CNTNAP2: variants seen among roughly 807,000 people sequenced by gnomAD.
CNTNAP2 encodes the protein contactin-associated protein-like 2.
Under a neutral mutation model 155.2 loss-of-function variants are expected in CNTNAP2, and 98 were observed. The ratio of observed to expected loss-of-function variants is 0.63; its 90% CI spans 0.54 to 0.75. The LOEUF is 0.75. Among genes scored for constraint, CNTNAP2 ranks in the 30% least tolerant of loss-of-function variants. The pLI is 0.00. For synonymous variants in CNTNAP2, 651 were observed against 631.2 expected, an observed-to-expected ratio of 1.03 and a Z score of -0.47; for missense variants, 1,727 against 1,688.1, an observed-to-expected ratio of 1.02 and a Z score of -0.40.
At chr7:146,178,062 C>A (rs897671936) in intron 1 of CNTNAP2, among the ~76,000 whole-genome samples, 2 of 151,974 alleles carry the variant, frequency 1.3e-5, no homozygotes, top group Admixed American at 6.6e-5. Flanking sequence ...GAGACGGAGT[C>A]TCGTTCTGTC....
At chr7:147,235,875 G>T (rs145373631) in intron 8 of CNTNAP2, among the ~76,000 whole-genome samples, 2 of 152,134 alleles carry the variant, frequency 1.3e-5, no homozygotes, top group African/African-American at 4.8e-5. Context: ...GTGTGTAGAT[G>T]AATAACATAC....
rs1355723005 is a variant in CNTNAP2, at chr7:148,366,100, GTA to G, written c.3476-17547_3476-17546del. 8.2e-5 allele frequency among the ~76,000 whole-genome samples: 2 copies of G among 24,474 alleles called. 1 individual carries two copies. The highest frequency in any genetic ancestry group is 1.9e-4 in the African/African-American group (2 of 10,798). The allele number at this position is 24,474 out of a possible 152,430, so 16.1% of individuals were successfully genotyped here. On this transcript the variant is annotated intron_variant, in intron 21 of 23. Coordinates refer to ENST00000361727, the MANE Select transcript of CNTNAP2 (RefSeq NM_014141.6). ...TGTGTGTGCATGTATACATGTATGT[GTA>G]TGCATGTATGCATGTATGTGTATGC... is the stretch of plus-strand genomic sequence containing the variant.
intron 15 of CNTNAP2, among the ~76,000 whole-genome samples, chr7:148,112,694 T>C (rs1042502328): frequency 3.3e-5 from 5 of 152,074 alleles, no homozygotes; most frequent in African/African-American, 7.2e-5. Flanking sequence ...CATGCCAAGC[T>C]TGAATTTCAA....
At chr7:146,651,581 T>C (rs1320528645) in intron 1 of CNTNAP2, among the ~76,000 whole-genome samples, 1 of 152,164 alleles carries the variant, frequency 6.6e-6, no homozygotes, top group East Asian at 1.9e-4. Flanking sequence ...AAATTTCACA[T>C]TTTATGAAGT....
chr7:146,646,712 A>G (rs1349168968), intron 1 of CNTNAP2, among the ~76,000 whole-genome samples: 1 of 152,170 alleles, frequency 6.6e-6, no homozygotes, highest in Non-Finnish European at 1.5e-5. Flanking sequence ...CCTGGCCAGT[A>G]TCTAATTTTA....
At chr7:147,801,995 C>G (rs1236472618) in intron 13 of CNTNAP2, among the ~76,000 whole-genome samples, 2 of 151,000 alleles carry the variant, frequency 1.3e-5, no homozygotes, top group Non-Finnish European at 3.0e-5. Context: ...GGCTGCCGGG[C>G]GGAGACGCTC....
chr7:146,221,128 G>T (rs909959378), intron 1 of CNTNAP2, among the ~76,000 whole-genome samples: 3 of 152,118 alleles, frequency 2.0e-5, no homozygotes, highest in African/African-American at 7.2e-5. Flanking sequence ...GGACCCTGCA[G>T]GTCCTCTTCC....
chr7:148,194,980 A>T (rs1038642641), intron 18 of CNTNAP2, among the ~76,000 whole-genome samples: 3 of 152,168 alleles, frequency 2.0e-5, no homozygotes, highest in African/African-American at 7.2e-5. Context: ...ATTAACCATC[A>T]CAGAAGCCAT....
intron 11 of CNTNAP2, among the ~76,000 whole-genome samples, chr7:147,547,511 A>G (rs1215642500): frequency 6.6e-6 from 1 of 152,158 alleles, no homozygotes; most frequent in Admixed American, 6.5e-5. Context: ...CAGCTCATTC[A>G]GATAAGCTAC....
At chr7:147,079,391 T>G (rs370729428) in intron 4 of CNTNAP2, among the ~76,000 whole-genome samples, 24 of 152,102 alleles carry the variant, frequency 1.6e-4, no homozygotes, top group Middle Eastern at 6.8e-3. Context: ...GACATGCAGT[T>G]TGGGATGTTG....
intron 14 of CNTNAP2, among the ~76,000 whole-genome samples, chr7:147,907,557 A>G (rs1679875034): frequency 6.6e-6 from 1 of 152,108 alleles, no homozygotes; most frequent in Admixed American, 6.6e-5. Flanking sequence ...GGGGCAGTGA[A>G]GAGAAAGTTG....
intron 3 of CNTNAP2, among the ~76,000 whole-genome samples, chr7:146,907,182 C>A (rs1411374875): frequency 6.6e-6 from 1 of 152,004 alleles, no homozygotes; most frequent in African/African-American, 2.4e-5. Context: ...GATTGGTGTA[C>A]CTGAAAATGA....
At chr7:146,806,958 T>C (rs766951200) in intron 2 of CNTNAP2, among the ~76,000 whole-genome samples, 2 of 152,194 alleles carry the variant, frequency 1.3e-5, no homozygotes, top group South Asian at 4.1e-4. Context: ...ATTTGGATAA[T>C]ATTTTTAAAA....
chr7:147,288,476 T>C (rs916820025), intron 8 of CNTNAP2, among the ~76,000 whole-genome samples: 3 of 152,154 alleles, frequency 2.0e-5, no homozygotes, highest in African/African-American at 7.2e-5. Context: ...ATTTACACGT[T>C]CCTCTCTTTA....
chr7:147,108,257 A>T lies in CNTNAP2; in HGVS notation c.661A>T (p.Ser221Cys). The T allele has an allele frequency of 6.2e-7, 1 of 1,613,852 alleles. No homozygotes were observed. Among genetic ancestry groups the T allele is most frequent in the Non-Finnish European group, 8.5e-7 (1 of 1,179,832 alleles). ...VIALNFKTSE[S>C]EGVILHGEGQ... ...TGCCTTGAACTTTAAGACGTCTGAA[A>T]GTGAAGGAGTAATCCTGCACGGAGA... Residue 221 changes from serine to cysteine, a missense_variant, in exon 5 of 24, where the codon AGT becomes TGT. Coordinates refer to ENST00000361727, the MANE Select transcript of CNTNAP2 (RefSeq NM_014141.6).
rs73742621 is a variant in CNTNAP2 at position 146,923,200 on chromosome 7, G to A, written c.402+83296G>A. On this transcript the variant is annotated intron_variant, in intron 3 of 23. Coordinates refer to ENST00000361727, the MANE Select transcript of CNTNAP2 (RefSeq NM_014141.6). ...GGTGGTTGTTGAGAATTAAAAGAGA[G>A]GATGTTTAGCATAGTGTCTGGTACA... Among the ~76,000 whole-genome samples the A allele has an allele frequency of 7.6e-3, 1,155 of 152,262 alleles. 13 individuals carry two copies. Among genetic ancestry groups the A allele is most frequent in the African/African-American group, 0.027 (1,102 of 41,552 alleles).
intron 8 of CNTNAP2, among the ~76,000 whole-genome samples, chr7:147,193,967 T>C (rs1441540730): frequency 1.3e-5 from 2 of 150,446 alleles, no homozygotes; most frequent in African/African-American, 4.9e-5. Flanking sequence ...TTTTTTCTTC[T>C]AAAAAAAAGT....
At chr7:146,511,228 T>G (rs1443915295) in intron 1 of CNTNAP2, among the ~76,000 whole-genome samples, 1 of 152,214 alleles carries the variant, frequency 6.6e-6, no homozygotes, top group Non-Finnish European at 1.5e-5. Context: ...TTGTGCCATC[T>G]GTGAACAGGA....
chr7:147,361,375 C>A (rs962253360), intron 9 of CNTNAP2, among the ~76,000 whole-genome samples: 1 of 152,142 alleles, frequency 6.6e-6, no homozygotes, highest in Non-Finnish European at 1.5e-5. Context: ...GCATGCTTTG[C>A]AATTTTCAAC....
Sources: gnomAD v4.1 joint callset for allele counts (sites outside exome capture counted in the v4.1 genomes callset) on GRCh38, gnomAD v4.1.1 for gene constraint, MANE v1.5 for transcripts, NCBI Gene and HGNC (gene_info 2026-07-23, HGNC 2026-07-21) for gene names.